SLC35F5: variants seen among roughly 807,000 people sequenced by gnomAD.
The protein encoded by SLC35F5 is HCV NS5A-transactivated protein 3.
In SLC35F5, 54 loss-of-function variants were observed where a neutral mutation model predicts 68.6. That is an observed-to-expected ratio of 0.79 (90% CI 0.63 to 0.99). The LOEUF (loss-of-function observed/expected upper bound fraction) is 0.99, where lower values mean the gene tolerates loss of function less well. Ranked by LOEUF, SLC35F5 falls within the 50% of genes least tolerant of loss-of-function variation. The pLI, the probability that SLC35F5 is intolerant of heterozygous loss-of-function variation, is 0.00. For missense variants in SLC35F5, 567 were observed against 626.9 expected (o/e 0.90, Z 1.02); for synonymous variants, 211 against 205.2 (o/e 1.03, Z -0.24).
chr2:113,724,165 T>C (rs1355164342), intron 12 of SLC35F5, among the ~76,000 whole-genome samples: 1 of 152,216 alleles, frequency 6.6e-6, no homozygotes, highest in Non-Finnish European at 1.5e-5. Flanking sequence ...TTCCCACTAC[T>C]TAGCTGCTCT....
At chr2:113,753,471 C>G (rs1676839996) in intron 3 of SLC35F5, among the ~76,000 whole-genome samples, 2 of 152,208 alleles carry the variant, frequency 1.3e-5, no homozygotes, top group African/African-American at 4.8e-5. Flanking sequence ...GCCACTGCGC[C>G]TGGCCCTATC....
chr2:113,729,771 A>G (rs1243532589), intron 10 of SLC35F5, among the ~76,000 whole-genome samples: 1 of 150,056 alleles, frequency 6.7e-6, no homozygotes, highest in Non-Finnish European at 1.5e-5. Context: ...ACCAAAACCT[A>G]TACATATTAT....
chr2:113,751,672 T>A (rs1574273122), intron 3 of SLC35F5, among the ~76,000 whole-genome samples: 2 of 151,718 alleles, frequency 1.3e-5, no homozygotes, highest in South Asian at 4.2e-4. Context: ...TTGCAGTACA[T>A]GGGGGCACCT....
chr2:113,704,774 G>A (rs1254981977), downstream of SLC35F5, among the ~76,000 whole-genome samples: 1 of 151,980 alleles, frequency 6.6e-6, no homozygotes, highest in Admixed American at 6.5e-5. Context: ...CCCTGTTCCC[G>A]CCCTCGCCTC....
At chr2:113,702,789 CAT>C (rs1432050727), downstream of SLC35F5, among the ~76,000 whole-genome samples, 1 of 152,114 alleles carries the variant, frequency 6.6e-6, no homozygotes, top group Admixed American at 6.6e-5. Context: ...AATTAAAAAT[CAT>C]AGCAAATAGC....
rs1203847194 is a variant in SLC35F5, at chr2:113,708,891, G to A, written c.*6327C>T. Reference sequence around the variant, plus strand: ...CATTAGGTAACCAGGGGGCAACAGAGTAGGGACTAATAAGGCCAGCAACTC... The same window carrying A: ...CATTAGGTAACCAGGGGGCAACAGAATAGGGACTAATAAGGCCAGCAACTC... On this transcript the variant is annotated 3_prime_UTR_variant, in exon 16 of 16. Coordinates refer to ENST00000245680, the MANE Select transcript of SLC35F5 (RefSeq NM_025181.5). 2.0e-5 allele frequency among the ~76,000 whole-genome samples: 3 copies of A among 152,178 alleles called. No individual in the cohort carries two copies. The highest frequency in any genetic ancestry group is 4.4e-5 in the Non-Finnish European group (3 of 68,038).
chr2:113,726,543 AAAT>A (rs1559330262), intron 11 of SLC35F5, among the ~76,000 whole-genome samples: 2 of 152,344 alleles, frequency 1.3e-5, no homozygotes, highest in East Asian at 3.9e-4. Context: ...TATGTCACCT[AAAT>A]AATAAACCAG....
At chr2:113,705,778 C>CTCTCTCCCAAAGT (rs1350565314), downstream of SLC35F5, among the ~76,000 whole-genome samples, 144 of 54,246 alleles carry the variant, frequency 2.7e-3, 1 homozygote, top group African/African-American at 8.4e-3. Flanking sequence ...TTTCCCAAAG[C>CTCTCTCCCAAAGT]TTCTATGAAT....
At position 113,755,561 on chromosome 2, in the gene SLC35F5, A is replaced by C; in HGVS notation, c.41-17T>G. ...TCAGCACCCCTAAAAACAACCATGA[A>C]ATTATGCTATGAAAACGTGAATAAC... is the stretch of plus-strand genomic sequence containing the variant. On this transcript the variant is annotated splice_polypyrimidine_tract_variant and intron_variant, in intron 1 of 15. Transcript: ENST00000245680. The C allele has an allele frequency of 6.2e-7, 1 of 1,604,086 alleles. No individual in the cohort carries two copies. The highest frequency in any genetic ancestry group is 8.5e-7 in the Non-Finnish European group (1 of 1,171,790).
chr2:113,755,615 T>C (rs1447684684), intron 1 of SLC35F5, 71 bp from the exon 2 acceptor site: 6 of 1,388,704 alleles, frequency 4.3e-6, no homozygotes, highest in South Asian at 1.2e-5. Context: ...CATCGTTTTT[T>C]ACTCTTCATC....
rs1332110944 is a variant in SLC35F5 at position 113,711,943 on chromosome 2, T to C, written c.*3275A>G. 6.6e-6 allele frequency among the ~76,000 whole-genome samples: 1 copy of C among 152,254 alleles called. No homozygotes were observed. The highest frequency in any genetic ancestry group is 1.9e-4 in the East Asian group (1 of 5,196). On this transcript the variant is annotated 3_prime_UTR_variant, in exon 16 of 16. Transcript: ENST00000245680. ...ACCAGCACACTGAGGATTAGTGCTA[T>C]GGGTATTACCACAGTGCCCTGTGAA... is the stretch of plus-strand genomic sequence containing the variant.
chr2:113,744,652 G>A (rs1331908001), intron 5 of SLC35F5, among the ~76,000 whole-genome samples: 1 of 152,154 alleles, frequency 6.6e-6, no homozygotes, highest in African/African-American at 2.4e-5. Flanking sequence ...TCATGAGGTG[G>A]AGGTAGGCAA....
downstream of SLC35F5, among the ~76,000 whole-genome samples, chr2:113,703,063 T>C (rs913915527): frequency 6.6e-6 from 1 of 151,930 alleles, no homozygotes; most frequent in Non-Finnish European, 1.5e-5. Context: ...TGAGCCAAGA[T>C]CATGCCACTG....
chr2:113,745,363 A>C (rs2104469840), intron 5 of SLC35F5, among the ~76,000 whole-genome samples: 1 of 152,364 alleles, frequency 6.6e-6, no homozygotes, highest in East Asian at 1.9e-4. Context: ...GCTGTGAATA[A>C]GGTCACCAAG....
chr2:113,755,596 G>C (rs1234039325), intron 1 of SLC35F5, 52 bp from the exon 2 acceptor site: 1 of 1,488,922 alleles, frequency 6.7e-7, no homozygotes, highest in Non-Finnish European at 9.3e-7. Flanking sequence ...CTCAAGGTAA[G>C]ATTCATCACA....
Position 113,755,234 on chromosome 2 carries a change from TCGCCTG to T in SLC35F5, c.198_203del (p.Arg67_Arg68del), listed in dbSNP as rs1376026142. The T allele has an allele frequency of 6.2e-7, 1 of 1,614,092 alleles. No homozygotes were observed. Among genetic ancestry groups the T allele is most frequent in the Non-Finnish European group, 8.5e-7 (1 of 1,180,014 alleles). ...GAAGAATAACAATCCCAAGAGCCAT[TCGCCTG>T]CGCTGAGTGAAACCACTGTTCTGGG... On this transcript the variant is annotated inframe_deletion, in exon 3 of 16. Coordinates refer to ENST00000245680, the MANE Select transcript of SLC35F5 (RefSeq NM_025181.5).
intron 3 of SLC35F5, among the ~76,000 whole-genome samples, chr2:113,754,553 A>G (rs1425398256): frequency 6.6e-6 from 1 of 152,218 alleles, no homozygotes; most frequent in East Asian, 1.9e-4. Flanking sequence ...AAGTAGAAAG[A>G]AAAACTAGCT....
intron 7 of SLC35F5, among the ~76,000 whole-genome samples, chr2:113,737,687 A>C (rs1688144241): frequency 6.6e-6 from 1 of 152,218 alleles, no homozygotes; most frequent in Non-Finnish European, 1.5e-5. Context: ...CTTAGATAAG[A>C]AGCATTCAAA....
chr2:113,712,621 C>T lies in SLC35F5; in HGVS notation c.*2597G>A, dbSNP rs1234856154. Among the ~76,000 whole-genome samples, 1 of 152,192 alleles carries T rather than the reference C, an allele frequency of 6.6e-6. No homozygotes were observed. The highest frequency in any genetic ancestry group is 2.4e-5 in the African/African-American group (1 of 41,460). On this transcript the variant is annotated 3_prime_UTR_variant, in exon 16 of 16. Coordinates refer to ENST00000245680, the MANE Select transcript of SLC35F5 (RefSeq NM_025181.5). ...TGAGCCACCACGCCCGGCCCAAAAG[C>T]ATTTACTGTTAAGGCTGCCTCATTT...
Sources: gnomAD v4.1 joint callset for allele counts (sites outside exome capture counted in the v4.1 genomes callset) on GRCh38, gnomAD v4.1.1 for gene constraint, MANE v1.5 for transcripts, NCBI Gene and HGNC (gene_info 2026-07-23, HGNC 2026-07-21) for gene names.